The following LTBP2 variants were observed in gnomAD, a reference collection of about 807,000 sequenced individuals.
LTBP2 encodes the protein latent transforming growth factor beta binding protein 2.
Under a neutral mutation model 210.6 loss-of-function variants are expected in LTBP2, and 103 were observed. That is an observed-to-expected ratio of 0.49 (90% CI 0.42 to 0.58). The LOEUF is 0.58. Among genes scored for constraint, LTBP2 ranks in the 20% least tolerant of loss-of-function variants. The probability of loss-of-function intolerance (pLI) is 0.00; values close to 1 mark genes in which losing one functional copy is unlikely to be tolerated. For synonymous variants in LTBP2, 1,007 were observed against 1,015.0 expected, an observed-to-expected ratio of 0.99 and a Z score of 0.15; for missense variants, 2,313 against 2,494.5, an observed-to-expected ratio of 0.93 and a Z score of 1.55.
chr14:74,503,575 C>T lies in LTBP2; in HGVS notation c.4614G>A (p.Glu1538=). ...CCTCCGTGTTGACGCACTCGCCATTCTCACAGGCCAGGTCCTGGCACTCAT... is the reference window on the plus strand; with the variant it reads ...CCTCCGTGTTGACGCACTCGCCATTTTCACAGGCCAGGTCCTGGCACTCAT... The part of the protein sequence containing the change: ...DHDECQDLAC[E]NGECVNTEGS... Residue 1538 remains glutamate (E), a synonymous_variant, in exon 32 of 36, where the codon GAG becomes GAA. Coordinates refer to ENST00000261978, the MANE Select transcript of LTBP2 (RefSeq NM_000428.3). 2 of 1,613,896 alleles carry T rather than the reference C, an allele frequency of 1.2e-6. No individual in the cohort carries two copies. The highest frequency in any genetic ancestry group is 1.3e-5 in the African/African-American group (1 of 75,072).
At chr14:74,575,918 C>T (rs560339234) in intron 3 of LTBP2, among the ~76,000 whole-genome samples, 1 of 152,228 alleles carries the variant, frequency 6.6e-6, no homozygotes, top group Non-Finnish European at 1.5e-5. Flanking sequence ...CCTCTGAGCC[C>T]TCCCTCTTCC....
intron 2 of LTBP2, among the ~76,000 whole-genome samples, chr14:74,600,848 G>A (rs1001788328): frequency 2.6e-5 from 4 of 152,184 alleles, no homozygotes; most frequent in Admixed American, 6.5e-5. Flanking sequence ...TGGTCCCTGG[G>A]CCAGCAGCGT....
At chr14:74,578,325 T>G (rs1369083583) in intron 3 of LTBP2, among the ~76,000 whole-genome samples, 1 of 152,188 alleles carries the variant, frequency 6.6e-6, no homozygotes, top group African/African-American at 2.4e-5. Flanking sequence ...CCGCGAATCG[T>G]GCTACATTAT....
intron 2 of LTBP2, among the ~76,000 whole-genome samples, chr14:74,595,967 C>T (rs568866631): frequency 5.9e-4 from 90 of 151,820 alleles, no homozygotes; most frequent in Admixed American, 9.2e-4. Context: ...GAGTCCGAGG[C>T]GGGTGGATCA....
chr14:74,600,837 G>A (rs1320997331), intron 2 of LTBP2, among the ~76,000 whole-genome samples: 1 of 152,176 alleles, frequency 6.6e-6, no homozygotes, highest in Non-Finnish European at 1.5e-5. Flanking sequence ...TACTCAAAGT[G>A]TGGTCCCTGG....
chr14:74,522,067 T>TCAGGGGGGC, intron 16 of LTBP2, 28 bp from the exon 17 acceptor site: 1 of 1,604,776 alleles, frequency 6.2e-7, no homozygotes. Context: ...GGGAGGGAGG[T>TCAGGGGGGC]CAGGGGGGCC....
rs143393361 is a variant in LTBP2, at chr14:74,558,459, G to C, written c.831-2766C>G. Among the ~76,000 whole-genome samples, 917 of 152,346 alleles carry C rather than the reference G, an allele frequency of 6.0e-3. 4 individuals carry two copies. Among genetic ancestry groups the C allele is most frequent in the Middle Eastern group, 0.01 (3 of 294 alleles). On this transcript the variant is annotated intron_variant, in intron 3 of 35. Coordinates refer to ENST00000261978, the MANE Select transcript of LTBP2 (RefSeq NM_000428.3). ...GACTTCCAAGAAAGCGCCTGGGAGAGAGAGGTGGCTGAACTGCTGGCTCAC... is the reference window on the plus strand; with the variant it reads ...GACTTCCAAGAAAGCGCCTGGGAGACAGAGGTGGCTGAACTGCTGGCTCAC...
Position 74,525,169 on chromosome 14 carries a change from G to A in LTBP2, c.2485C>T (p.Gln829Ter). The A allele has an allele frequency of 1.5e-6, 2 of 1,332,352 alleles. No individual in the cohort carries two copies. Among genetic ancestry groups the A allele is most frequent in the Non-Finnish European group, 9.7e-7 (1 of 1,032,304 alleles). 82.5% of individuals were successfully genotyped at this position (1,332,352 alleles called of 1,614,324 possible). The change falls in exon 15 of 36, where the codon CAA becomes TAA. Residue 829 changes from glutamine to a stop codon, truncating the protein, a stop_gained. Transcript: ENST00000261978. LOFTEE classifies it high-confidence loss of function. The stretch of plus-strand genomic sequence containing the variant: ...AGCACATCAGTGGAGGGGGTCACTT[G>A]TTCTTCCTGTATCTCTGCAATCCCC... Reference protein sequence around the residue: ...EQGIAEIQEEQVTPSTDVLVT... With the variant: ...EQGIAEIQEE
chr14:74,586,176 G>T lies in LTBP2; in HGVS notation c.566-58C>A. ...GCCATAGGGCACTGAGACCACAGCT[G>T]CCCACACCTTCCTGTCAGAAGGGCC... On this transcript the variant is annotated intron_variant, in intron 2 of 35. Transcript: ENST00000261978. The surrounding 1 kb of genome is among the most constrained non-coding windows in gnomAD (Gnocchi z 4.6). 1 of 1,537,326 alleles carries T rather than the reference G, an allele frequency of 6.5e-7. No individual in the cohort carries two copies. The highest frequency in any genetic ancestry group is 8.8e-7 in the Non-Finnish European group (1 of 1,137,264).
intron 15 of LTBP2, among the ~76,000 whole-genome samples, chr14:74,523,871 G>C (rs998261363): frequency 9.9e-5 from 15 of 152,026 alleles, no homozygotes; most frequent in Non-Finnish European, 2.1e-4. Flanking sequence ...TCTGTACGTG[G>C]GTATACAGTG....
chr14:74,532,518 C>G lies in LTBP2; in HGVS notation c.1895G>C (p.Cys632Ser). ...GGTATTCACACACTCCGCGTCCTTG[C>G]ACAGGCCCAGGGTCAAGCACTCGTT... ...DINECLTLGLCKDAECVNTRG... is the reference protein window; with the variant it reads ...DINECLTLGLSKDAECVNTRG... The change falls in exon 10 of 36, where the codon TGC becomes TCC. Residue 632 changes from cysteine (C) to serine (S), a missense_variant. By Grantham distance (112) the Cys-to-Ser change is moderately radical. Coordinates refer to ENST00000261978, the MANE Select transcript of LTBP2 (RefSeq NM_000428.3). 1 of 1,614,190 alleles carries G rather than the reference C, an allele frequency of 6.2e-7. No homozygotes were observed. Among genetic ancestry groups the G allele is most frequent in the Non-Finnish European group, 8.5e-7 (1 of 1,180,030 alleles).
At chr14:74,611,345 G>T in intron 1 of LTBP2, 106 bp downstream of exon 1, 1 of 1,268,204 alleles carries the variant, frequency 7.9e-7, no homozygotes, top group Non-Finnish European at 1.0e-6. Flanking sequence ...AAAGACAGAG[G>T]GACGAGGGTA....
chr14:74,590,707 G>A (rs1411122207), intron 2 of LTBP2, among the ~76,000 whole-genome samples: 1 of 152,200 alleles, frequency 6.6e-6, no homozygotes, highest in East Asian at 1.9e-4. Flanking sequence ...TGGAGCTGGA[G>A]GCCATTATTC....
intron 18 of LTBP2, among the ~76,000 whole-genome samples, chr14:74,512,915 G>A (rs1395718846): frequency 6.6e-6 from 1 of 152,144 alleles, no homozygotes; most frequent in East Asian, 1.9e-4. Flanking sequence ...CCAGTGCCAT[G>A]ACCTGTTGGC....
At chr14:74,502,631 C>G (rs1190295029) in intron 34 of LTBP2, 22 bp downstream of exon 34, 2 of 1,614,138 alleles carry the variant, frequency 1.2e-6, no homozygotes, top group African/African-American at 1.3e-5. Context: ...CACCTCTTCC[C>G]CAGTTTTGCA....
At chr14:74,569,544 T>G (rs570281657) in intron 3 of LTBP2, among the ~76,000 whole-genome samples, 1 of 152,240 alleles carries the variant, frequency 6.6e-6, no homozygotes, top group East Asian at 1.9e-4. Flanking sequence ...CATCTGCTCA[T>G]GCCAAAAGGG....
chr14:74,498,671 A>AAT lies in LTBP2; in HGVS notation c.*2212_*2213insAT. The AAT allele has an allele frequency of 4.3e-6, 1 of 232,338 alleles. No individual in the cohort carries two copies. The highest frequency in any genetic ancestry group is 2.2e-5 in the African/African-American group (1 of 45,404). The allele number at this position is 232,338 out of a possible 1,614,324, so 14.4% of individuals were successfully genotyped here. A position where few individuals can be genotyped will look rare whatever the true frequency, so the allele number is the denominator to read the frequency against. Reference sequence around the variant, plus strand: ...GTGTTGTGGGGGCAGTGGGAACAGCAGTTACGAAGGTGTAGTGCCAGCAGG... The same window carrying AAT: ...GTGTTGTGGGGGCAGTGGGAACAGCAATGTTACGAAGGTGTAGTGCCAGCAGG... On this transcript the variant is annotated 3_prime_UTR_variant, in exon 36 of 36. Transcript: ENST00000261978.
intron 30 of LTBP2, 131 bp downstream of exon 30, chr14:74,504,647 C>G: frequency 1.2e-6 from 1 of 844,616 alleles, no homozygotes; most frequent in Non-Finnish European, 2.0e-6. Flanking sequence ...GGAGTCAGCC[C>G]TGGGACAGAA....
At chr14:74,514,601 G>A (rs917393) in intron 18 of LTBP2, among the ~76,000 whole-genome samples, 4,581 of 152,278 alleles carry the variant, frequency 0.03, 117 homozygotes, top group African/African-American at 0.06. Flanking sequence ...AGAAGCTCAA[G>A]TGACCTTGGT....
Sources: gnomAD v4.1 joint callset for allele counts (sites outside exome capture counted in the v4.1 genomes callset) on GRCh38, gnomAD v4.1.1 for gene constraint, Gnocchi (gnomAD v3.1) non-coding constraint, MANE v1.5 for transcripts, NCBI Gene and HGNC (gene_info 2026-07-23, HGNC 2026-07-21) for gene names.